MYO16: variants seen among roughly 807,000 people sequenced by gnomAD.
MYO16 encodes unconventional myosin-XVI.
A neutral mutation model predicts 205.3 loss-of-function variants in MYO16; 94 were observed. That is an observed-to-expected ratio of 0.46 (90% CI 0.39 to 0.54). The LOEUF (loss-of-function observed/expected upper bound fraction) is 0.54, where lower values mean the gene tolerates loss of function less well. Among genes scored for constraint, MYO16 ranks in the 20% least tolerant of loss-of-function variants. The pLI, the probability that MYO16 is intolerant of heterozygous loss-of-function variation, is 0.00. For missense variants in MYO16, 2,315 were observed against 2,387.5 expected, an observed-to-expected ratio of 0.97 and a Z score of 0.63; for synonymous variants, 988 against 954.0, an observed-to-expected ratio of 1.04 and a Z score of -0.66.
At chr13:108,626,782 G>GT (rs986823647), upstream of MYO16, among the ~76,000 whole-genome samples, 12 of 151,336 alleles carry the variant, frequency 7.9e-5, no homozygotes, top group African/African-American at 2.9e-4. Context: ...TGCAGCCTGG[G>GT]TGACAGAGAG....
At chr13:108,614,927 C>T (rs569083255) in intron 1 of MYO16, among the ~76,000 whole-genome samples, 2 of 123,362 alleles carry the variant, frequency 1.6e-5, no homozygotes, top group African/African-American at 6.0e-5. Context: ...AGATATCATG[C>T]CAAAATCACA....
chr13:108,833,965 G>A (rs1044098153), intron 9 of MYO16, among the ~76,000 whole-genome samples: 2 of 151,960 alleles, frequency 1.3e-5, no homozygotes, highest in Non-Finnish European at 1.5e-5. Flanking sequence ...ACCAAATAAA[G>A]TTCTATTACT....
At chr13:108,633,369 C>T (rs1191868398) in intron 1 of MYO16, among the ~76,000 whole-genome samples, 2 of 152,150 alleles carry the variant, frequency 1.3e-5, no homozygotes, top group Non-Finnish European at 2.9e-5. Flanking sequence ...ACAGTGCAGC[C>T]TTTAGTCTGT....
At chr13:108,549,822 AG>A in the MYO16 span, among the ~76,000 whole-genome samples, 1 of 152,232 alleles carries the variant, frequency 6.6e-6, no homozygotes, top group Non-Finnish European at 1.5e-5. Context: ...AGTGATTAAA[AG>A]TTTAAAAGAC....
intron 33 of MYO16, among the ~76,000 whole-genome samples, chr13:109,167,972 AGTAAAAT>A (rs1878757483): frequency 6.6e-6 from 1 of 152,168 alleles, no homozygotes; most frequent in Non-Finnish European, 1.5e-5. Flanking sequence ...CTAAAAAGGC[AGTAAAAT>A]TTGGAGGGGT....
chr13:109,027,579 G>A (rs1435146298), intron 23 of MYO16, among the ~76,000 whole-genome samples: 1 of 151,834 alleles, frequency 6.6e-6, no homozygotes, highest in African/African-American at 2.4e-5. Context: ...GGCCCAGCTG[G>A]CCAGGGTTTG....
the MYO16 span, among the ~76,000 whole-genome samples, chr13:108,555,425 A>G: frequency 4.5e-4 from 69 of 152,352 alleles, no homozygotes; most frequent in Non-Finnish European, 7.6e-4. Context: ...AAATGAATGT[A>G]TGAACACTCT....
intron 1 of MYO16, among the ~76,000 whole-genome samples, chr13:108,655,585 C>T (rs1476480990): frequency 6.6e-6 from 1 of 152,142 alleles, no homozygotes; most frequent in African/African-American, 2.4e-5. Context: ...CCACCATCTT[C>T]CAGACCCCAG....
the MYO16 span, among the ~76,000 whole-genome samples, chr13:108,550,745 A>G: frequency 6.6e-6 from 1 of 152,248 alleles, no homozygotes; most frequent in Non-Finnish European, 1.5e-5. Context: ...AAAAAACAAA[A>G]CAAAGCATGT....
chr13:108,598,749 A>G (rs527753722), intron 1 of MYO16, among the ~76,000 whole-genome samples: 118 of 152,286 alleles, frequency 7.7e-4, no homozygotes, highest in Non-Finnish European at 1.3e-3. Context: ...GCTTCAATTG[A>G]TATCAAGTGC....
At chr13:108,936,141 C>T (rs370574711) in intron 16 of MYO16, among the ~76,000 whole-genome samples, 134 of 106,420 alleles carry the variant, frequency 1.3e-3, no homozygotes, top group African/African-American at 4.1e-3. Flanking sequence ...TCCTTCCTTC[C>T]TTCCTTCTTT....
chr13:109,186,716 G>C (rs947854217), intron 34 of MYO16, among the ~76,000 whole-genome samples: 1 of 152,090 alleles, frequency 6.6e-6, no homozygotes, highest in Admixed American at 6.5e-5. Flanking sequence ...CCATATAAAT[G>C]TGGTCATGGC....
chr13:108,689,793 C>G (rs1276046459), intron 2 of MYO16, among the ~76,000 whole-genome samples: 3 of 151,962 alleles, frequency 2.0e-5, no homozygotes, highest in African/African-American at 7.2e-5. Context: ...CCACCACAGC[C>G]TACATTTTTC....
At position 108,652,511 on chromosome 13, in the gene MYO16, A is replaced by T. The variant is rs148635905; in HGVS notation, c.29-13375A>T. On this transcript the variant is annotated intron_variant, in intron 1 of 34. Transcript: ENST00000457511. ...TCATTGTTATGAAACAGATTTCCTG[A>T]ACATTTCATTTTGTCATTCTGAAGC... Among the ~76,000 whole-genome samples the T allele has an allele frequency of 2.6e-5, 4 of 152,296 alleles. No homozygotes were observed. The East Asian group carries it at 7.7e-4, about 29-fold the overall frequency.
intron 1 of MYO16, among the ~76,000 whole-genome samples, chr13:108,653,290 T>C (rs912000775): frequency 9.2e-5 from 14 of 152,342 alleles, no homozygotes; most frequent in Admixed American, 6.5e-5. Flanking sequence ...GATATTAATC[T>C]CCTATTAGGT....
chr13:108,732,503 A>T (rs2139594228), intron 4 of MYO16, among the ~76,000 whole-genome samples: 1 of 152,324 alleles, frequency 6.6e-6, no homozygotes, highest in Non-Finnish European at 1.5e-5. Flanking sequence ...AGGGGACGGT[A>T]CATAGAAAGC....
chr13:109,061,539 G>C lies in MYO16; in HGVS notation c.3335+5944G>C, dbSNP rs1202111163. Among the ~76,000 whole-genome samples, 3 of 152,184 alleles carry C rather than the reference G, an allele frequency of 2.0e-5. No individual in the cohort carries two copies. The East Asian group carries it at 5.8e-4, about 29-fold the overall frequency. On this transcript the variant is annotated intron_variant, in intron 27 of 34. Transcript: ENST00000457511. ...ATAGGGAGGTCCAAGAAGAGGGAGA[G>C]AGAGGTGGGGGAACACTTGGTAGGT...
At chr13:108,838,185 G>T (rs977007970) in intron 9 of MYO16, among the ~76,000 whole-genome samples, 4 of 151,924 alleles carry the variant, frequency 2.6e-5, no homozygotes, top group African/African-American at 7.3e-5. Flanking sequence ...TGTGCCCTCA[G>T]TTTACTCATT....
chr13:108,898,313 C>T lies in MYO16; in HGVS notation c.1777+180C>T, dbSNP rs1594379152. On this transcript the variant is annotated intron_variant, in intron 15 of 34. Coordinates refer to ENST00000457511, the MANE Select transcript of MYO16 (RefSeq NM_001198950.3). ...CTGGAAAGTTTGTATTACATTAGAA[C>T]AAGGATCAATACTCAGGCACTCAGT... is the stretch of plus-strand genomic sequence containing the variant. 4.0e-5 allele frequency among the ~76,000 whole-genome samples: 6 copies of T among 149,822 alleles called. No homozygotes were observed. In the South Asian group the frequency reaches 1.3e-3, roughly 32 times the overall value.
Sources: gnomAD v4.1 joint callset for allele counts (sites outside exome capture counted in the v4.1 genomes callset) on GRCh38, gnomAD v4.1.1 for gene constraint, MANE v1.5 for transcripts, NCBI Gene and HGNC (gene_info 2026-07-23, HGNC 2026-07-21) for gene names.